The following KCTD20 variants were observed in gnomAD, a reference collection of about 807,000 sequenced individuals.
The protein encoded by KCTD20 is BTB/POZ domain-containing protein KCTD20.
A neutral mutation model predicts 39.6 loss-of-function variants in KCTD20; 30 were observed. That is an observed-to-expected ratio of 0.76 (90% CI 0.57 to 1.03). The LOEUF is 1.03. Among genes scored for constraint, KCTD20 ranks in the 50% least tolerant of loss-of-function variants. KCTD20 has a pLI of 0.00. For synonymous variants in KCTD20, 162 were observed against 180.6 expected (o/e 0.90, Z 0.83); for missense variants, 422 against 522.0 (o/e 0.81, Z 1.87).
chr6:36,453,318 T>C (rs1339634485), intron 1 of KCTD20, among the ~76,000 whole-genome samples: 2 of 151,500 alleles, frequency 1.3e-5, no homozygotes, highest in Non-Finnish European at 2.9e-5. Context: ...AGCCTTTTGT[T>C]TTATTTTGTT....
chr6:36,484,950 G>T, intron 7 of KCTD20, 126 bp downstream of exon 7: 2 of 602,460 alleles, frequency 3.3e-6, no homozygotes, highest in Non-Finnish European at 6.0e-6. Context: ...TCTTACTCAA[G>T]TTTGAATGTT....
At chr6:36,478,142 A>C (rs1776130555) in intron 3 of KCTD20, among the ~76,000 whole-genome samples, 1 of 152,012 alleles carries the variant, frequency 6.6e-6, no homozygotes, top group East Asian at 1.9e-4. Context: ...GGAGGACAAC[A>C]GTTGTGAACA....
At chr6:36,464,426 C>T (rs1775682717) in intron 1 of KCTD20, among the ~76,000 whole-genome samples, 1 of 152,170 alleles carries the variant, frequency 6.6e-6, no homozygotes, top group African/African-American at 2.4e-5. Flanking sequence ...TCAAGTGATC[C>T]TCCTTCCACA....
chr6:36,484,795 G>C lies in KCTD20; in HGVS notation c.938G>C (p.Gly313Ala). Reference protein sequence around the residue: ...DVAKTVLKERGLKNIRIGIEG... With the variant: ...DVAKTVLKERALKNIRIGIEG... ...GCAAAAACAGTGTTAAAGGAACGGG[G>C]CCTAAAAAACATTCGCATTGGAATT... The change falls in exon 7 of 8, where the codon GGC (glycine) becomes GCC (alanine). Residue 313 changes from glycine to alanine, a missense_variant. Physicochemically the swap from Gly to Ala is moderately conservative, Grantham distance 60. Transcript: ENST00000373731. 1 of 1,600,322 alleles carries C rather than the reference G, an allele frequency of 6.2e-7. No individual in the cohort carries two copies. Among genetic ancestry groups the C allele is most frequent in the South Asian group, 1.1e-5 (1 of 89,728 alleles).
At chr6:36,448,005 A>ATGTG (rs771457738) in intron 1 of KCTD20, among the ~76,000 whole-genome samples, 19 of 130,272 alleles carry the variant, frequency 1.5e-4, no homozygotes, top group African/African-American at 6.1e-4. Flanking sequence ...ATATATGTGT[A>ATGTG]TGTGTGTGTG....
intron 1 of KCTD20, among the ~76,000 whole-genome samples, chr6:36,466,462 G>C (rs1324050115): frequency 6.7e-6 from 1 of 149,070 alleles, no homozygotes; most frequent in African/African-American, 2.5e-5. Flanking sequence ...GCTCACTACA[G>C]CCTCGACCTC....
chr6:36,474,655 G>GTT, intron 2 of KCTD20, 134 bp from the exon 3 acceptor site: 2 of 716,552 alleles, frequency 2.8e-6, no homozygotes, highest in Non-Finnish European at 4.3e-6. Context: ...TAGGCAAGAG[G>GTT]TTTTTTTTTG....
intron 6 of KCTD20, among the ~76,000 whole-genome samples, chr6:36,483,059 C>G (rs1177128226): frequency 1.4e-5 from 2 of 147,766 alleles, no homozygotes; most frequent in African/African-American, 5.0e-5. Flanking sequence ...GCAGACGTTG[C>G]AGTGAGCCGA....
In KCTD20 at chr6:36,485,458, G is replaced by A. The variant is rs150669575; in HGVS notation, c.967+634G>A. ...AGACTGATTCCTGGAGAGTGCTAAA[G>A]TCATTTGGTCTCTCCTACGTGGAGT... On this transcript the variant is annotated intron_variant, in intron 7 of 7. Coordinates refer to ENST00000373731, the MANE Select transcript of KCTD20 (RefSeq NM_173562.5). 7.6e-4 allele frequency among the ~76,000 whole-genome samples: 114 copies of A among 149,116 alleles called. 1 individual carries two copies. The highest frequency in any genetic ancestry group is 2.7e-3 in the African/African-American group (111 of 40,842).
intron 2 of KCTD20, among the ~76,000 whole-genome samples, chr6:36,473,645 C>T (rs1029250332): frequency 9.9e-5 from 15 of 151,898 alleles, no homozygotes; most frequent in Non-Finnish European, 1.9e-4. Flanking sequence ...TGGTGGCGGG[C>T]TCCTGTAGTC....
intron 3 of KCTD20, 58 bp downstream of exon 3, chr6:36,475,120 G>A (rs1776026093): frequency 6.6e-7 from 1 of 1,526,050 alleles, no homozygotes; most frequent in Admixed American, 1.9e-5. Context: ...AAAAATACCT[G>A]CTGTTTATCT....
chr6:36,484,826 T>TAAA lies in KCTD20; in HGVS notation c.967+16_967+18dup, dbSNP rs11450552. The TAAA allele has an allele frequency of 1.5e-4, 198 of 1,294,984 alleles. No homozygotes were observed. The highest frequency in any genetic ancestry group is 3.8e-4 in the African/African-American group (24 of 62,714). The allele number at this position is 1,294,984 out of a possible 1,614,324, so 80.2% of individuals were successfully genotyped here. On this transcript the variant is annotated splice_region_variant and intron_variant, in intron 7 of 7. Transcript: ENST00000373731. ...AAAACATTCGCATTGGAATTGAAGG[T>TAAA]AAAAAAAAAAAAAAAATCCCAGTCA...
intron 1 of KCTD20, among the ~76,000 whole-genome samples, chr6:36,455,308 C>T (rs6899421): frequency 0.24 from 35,984 of 151,786 alleles, 4,495 homozygotes; most frequent in East Asian, 0.39. Context: ...CTCAGGAGGC[C>T]GAGGCAGGAT....
chr6:36,489,384 C>T lies in KCTD20; in HGVS notation c.*2209C>T, dbSNP rs1308067802. On this transcript the variant is annotated 3_prime_UTR_variant, in exon 8 of 8. Transcript: ENST00000373731. ...CTTTCAAGATTGAGTCTTTTTTCCCCCAAATTAGGTTAACATGCATTTGAC... is the reference window on the plus strand; with the variant it reads ...CTTTCAAGATTGAGTCTTTTTTCCCTCAAATTAGGTTAACATGCATTTGAC... The T allele has an allele frequency of 6.6e-6, 1 of 152,120 alleles. No individual in the cohort carries two copies. Among genetic ancestry groups the T allele is most frequent in the Admixed American group, 6.6e-5 (1 of 15,264 alleles). The allele number at this position is 152,120 out of a possible 1,614,324, so 9.4% of individuals were successfully genotyped here. A position where few individuals can be genotyped will look rare whatever the true frequency, so the allele number is the denominator to read the frequency against.
Position 36,484,600 on chromosome 6 carries a change from G to A in KCTD20, c.857-114G>A, listed in dbSNP as rs1561960876. ...TTAACATTTAATCTTTGATCCATCT[G>A]GATTATTTGGGATTAGGAGTCAAGT... On this transcript the variant is annotated intron_variant, in intron 6 of 7. Coordinates refer to ENST00000373731, the MANE Select transcript of KCTD20 (RefSeq NM_173562.5). 3 of 576,138 alleles carry A rather than the reference G, an allele frequency of 5.2e-6. No homozygotes were observed. In the South Asian group the frequency reaches 8.6e-5, roughly 17 times the overall value. 35.7% of individuals were successfully genotyped at this position (576,138 alleles called of 1,614,324 possible). A position where few individuals can be genotyped will look rare whatever the true frequency, so the allele number is the denominator to read the frequency against.
At chr6:36,449,484 T>TA (rs1775169959) in intron 1 of KCTD20, among the ~76,000 whole-genome samples, 1 of 150,082 alleles carries the variant, frequency 6.7e-6, no homozygotes, top group African/African-American at 2.5e-5. Context: ...CTGATTGGTG[T>TA]GTTTTTACAG....
chr6:36,486,131 C>T (rs1410930121), intron 7 of KCTD20, among the ~76,000 whole-genome samples: 3 of 152,056 alleles, frequency 2.0e-5, no homozygotes, highest in Non-Finnish European at 4.4e-5. Flanking sequence ...TGGTTTTGAA[C>T]TCCTGGACTC....
chr6:36,444,988 G>A (rs921708112), intron 1 of KCTD20, among the ~76,000 whole-genome samples: 62 of 152,152 alleles, frequency 4.1e-4, no homozygotes, highest in Non-Finnish European at 2.6e-4. Flanking sequence ...GAAGCCGGGC[G>A]TGGTGGCTCA....
chr6:36,460,324 T>TCC (rs200764139), intron 1 of KCTD20, among the ~76,000 whole-genome samples: 1 of 124,872 alleles, frequency 8.0e-6, no homozygotes, highest in African/African-American at 3.2e-5. Flanking sequence ...TCTTTTTTTT[T>TCC]CCCGAGACTG....
Sources: gnomAD v4.1 joint callset for allele counts (sites outside exome capture counted in the v4.1 genomes callset) on GRCh38, gnomAD v4.1.1 for gene constraint, MANE v1.5 for transcripts, NCBI Gene and HGNC (gene_info 2026-07-23, HGNC 2026-07-21) for gene names.